The following MAP2K5 variants were observed in gnomAD, a reference collection of about 807,000 sequenced individuals.
MAP2K5 encodes mitogen-activated protein kinase kinase 5, also known as dual specificity mitogen-activated protein kinase kinase 5.
A neutral mutation model predicts 83.1 loss-of-function variants in MAP2K5; 49 were observed. The observed-to-expected ratio is 0.59, with a 90% CI of 0.47 to 0.75. The LOEUF is 0.75. Among genes scored for constraint, MAP2K5 ranks in the 30% least tolerant of loss-of-function variants. The pLI, the probability that MAP2K5 is intolerant of heterozygous loss-of-function variation, is 0.00. For synonymous variants in MAP2K5, 202 were observed against 191.8 expected, an observed-to-expected ratio of 1.05 and a Z score of -0.44; for missense variants, 457 against 557.5, an observed-to-expected ratio of 0.82 and a Z score of 1.82.
chr15:67,731,904 G>A (rs1359895173), intron 17 of MAP2K5, among the ~76,000 whole-genome samples: 2 of 152,094 alleles, frequency 1.3e-5, no homozygotes, highest in South Asian at 2.1e-4. Context: ...GAAATGCTGA[G>A]CATTGGAGGG....
At position 67,559,700 on chromosome 15, in the gene MAP2K5, CT is replaced by C. The variant is rs2140959998; in HGVS notation, c.185-3581del. ...CATAGGCTTTCTGGTTCTACTTTTG[CT>C]TCCCTAATGTGCTGGAAAATCATAT... On this transcript the variant is annotated intron_variant, in intron 2 of 21. Coordinates refer to ENST00000178640, the MANE Select transcript of MAP2K5 (RefSeq NM_145160.3). This position sits in a 1 kb window ranked among gnomAD's most constrained non-coding sequence, Gnocchi z 4.7. Among the ~76,000 whole-genome samples, 1 of 152,224 alleles carries C rather than the reference CT, an allele frequency of 6.6e-6. No individual in the cohort carries two copies. Among genetic ancestry groups the C allele is most frequent in the South Asian group, 2.1e-4 (1 of 4,816 alleles).
intron 15 of MAP2K5, among the ~76,000 whole-genome samples, chr15:67,696,697 G>T (rs1407555270): frequency 3.3e-5 from 5 of 152,204 alleles, no homozygotes; most frequent in Non-Finnish European, 7.3e-5. Flanking sequence ...AATAAGACAG[G>T]CCAGGCACAG....
intron 7 of MAP2K5, among the ~76,000 whole-genome samples, chr15:67,598,738 G>T (rs563740440): frequency 6.6e-6 from 1 of 152,256 alleles, no homozygotes; most frequent in South Asian, 2.1e-4. Flanking sequence ...TGGTGGAGGG[G>T]ATATGACTGC....
chr15:67,642,115 A>G (rs889847601), intron 9 of MAP2K5, among the ~76,000 whole-genome samples: 1 of 152,248 alleles, frequency 6.6e-6, no homozygotes, highest in East Asian at 1.9e-4. Flanking sequence ...GATTAGCTCC[A>G]CAAATACAGT....
In MAP2K5 at chr15:67,664,665, G is replaced by A; in HGVS notation, c.847+20G>A. ...ATAGAGGTATGTGCTGGGCTTATAA[G>A]CTTGGATTTAATTTGGGGTGGGGTT... On this transcript the variant is annotated intron_variant, in intron 13 of 21. Coordinates refer to ENST00000178640, the MANE Select transcript of MAP2K5 (RefSeq NM_145160.3). 1 of 1,582,332 alleles carries A rather than the reference G, an allele frequency of 6.3e-7. No individual in the cohort carries two copies. Among genetic ancestry groups the A allele is most frequent in the South Asian group, 1.1e-5 (1 of 89,390 alleles).
rs2090328047 is a variant in MAP2K5 at position 67,781,520 on chromosome 15, TC to T, written c.1242+8769del. Among the ~76,000 whole-genome samples the T allele has an allele frequency of 6.6e-6, 1 of 152,212 alleles. No homozygotes were observed. Among genetic ancestry groups the T allele is most frequent in the African/African-American group, 2.4e-5 (1 of 41,458 alleles). On this transcript the variant is annotated intron_variant, in intron 21 of 21. Transcript: ENST00000178640. The surrounding 1 kb of genome is among the most constrained non-coding windows in gnomAD (Gnocchi z 4.0). The stretch of plus-strand genomic sequence containing the variant: ...GTAGAGACATTTGGGCCTACCGTCC[TC>T]TATTTAATTTTCAAGATTAGAATTA...
At chr15:67,632,879 TA>T (rs1275735176) in intron 9 of MAP2K5, among the ~76,000 whole-genome samples, 7 of 152,212 alleles carry the variant, frequency 4.6e-5, no homozygotes, top group African/African-American at 1.7e-4. Flanking sequence ...GTACAGCACC[TA>T]GAATGTGTTA....
chr15:67,805,131 G>C (rs535467829), intron 21 of MAP2K5, among the ~76,000 whole-genome samples: 44 of 152,348 alleles, frequency 2.9e-4, no homozygotes, highest in African/African-American at 1.0e-3. Context: ...GTCCCTGCCC[G>C]GGGTTGAGTG....
chr15:67,641,099 T>C lies in MAP2K5; in HGVS notation c.586-5132T>C, dbSNP rs188887518. Among the ~76,000 whole-genome samples, 522 of 152,346 alleles carry C rather than the reference T, an allele frequency of 3.4e-3. 18 individuals are homozygous for C. Among genetic ancestry groups the C allele is most frequent in the Admixed American group, 0.032 (495 of 15,308 alleles). On this transcript the variant is annotated intron_variant, in intron 9 of 21. Transcript: ENST00000178640. ...ACAGAACCTTTTTATACCATTAATG[T>C]ATTCTATAAAATCTTTCAAGTAGTA...
At position 67,755,178 on chromosome 15, in the gene MAP2K5, C is replaced by A. The variant is rs912733103; in HGVS notation, c.1134+6577C>A. On this transcript the variant is annotated intron_variant, in intron 19 of 21. Coordinates refer to ENST00000178640, the MANE Select transcript of MAP2K5 (RefSeq NM_145160.3). This position sits in a 1 kb window ranked among gnomAD's most constrained non-coding sequence, Gnocchi z 4.7. ...GTTTTTAGTAGAGATGGGGTTTCACCATGTTGGCCAGGCTGGTCTCAAACT... is the reference window on the plus strand; with the variant it reads ...GTTTTTAGTAGAGATGGGGTTTCACAATGTTGGCCAGGCTGGTCTCAAACT... Among the ~76,000 whole-genome samples, 1 of 152,076 alleles carries A rather than the reference C, an allele frequency of 6.6e-6. No homozygotes were observed. The highest frequency in any genetic ancestry group is 2.4e-5 in the African/African-American group (1 of 41,398).
Position 67,542,918 on chromosome 15 carries a change from C to T in MAP2K5, c.-418C>T. ...TAATAGCCCCGGACTGAGTCCCCTC[C>T]AGTCGAGGACCCTCTCCTAGTCCAC... On this transcript the variant is annotated 5_prime_UTR_variant, in exon 1 of 22. Coordinates refer to ENST00000178640, the MANE Select transcript of MAP2K5 (RefSeq NM_145160.3). 1.1e-5 allele frequency: 2 copies of T among 187,944 alleles called. No homozygotes were observed. The highest frequency in any genetic ancestry group is 2.1e-4 in the South Asian group (2 of 9,408). 11.6% of individuals were successfully genotyped at this position (187,944 alleles called of 1,614,324 possible). A position where few individuals can be genotyped will look rare whatever the true frequency, so the allele number is the denominator to read the frequency against.
intron 11 of MAP2K5, among the ~76,000 whole-genome samples, chr15:67,656,936 CTT>C (rs2087097406): frequency 6.6e-6 from 1 of 152,138 alleles, no homozygotes; most frequent in Non-Finnish European, 1.5e-5. Context: ...ACTCATCAAA[CTT>C]AACAGGAACT....
rs756610437 is a variant in MAP2K5 at position 67,780,417 on chromosome 15, T to C, written c.1242+7665T>C. The stretch of plus-strand genomic sequence containing the variant: ...TGATCTTATAATTCAGTGCCTATCC[T>C]AGTCTGCTGTCATTTAGGCAAAACA... On this transcript the variant is annotated intron_variant, in intron 21 of 21. Coordinates refer to ENST00000178640, the MANE Select transcript of MAP2K5 (RefSeq NM_145160.3). The surrounding 1 kb of genome is among the most constrained non-coding windows in gnomAD (Gnocchi z 5.0). 4.6e-5 allele frequency among the ~76,000 whole-genome samples: 7 copies of C among 152,224 alleles called. No homozygotes were observed. The highest frequency in any genetic ancestry group is 1.0e-4 in the Non-Finnish European group (7 of 68,036).
chr15:67,604,740 T>C (rs549402267), intron 8 of MAP2K5, among the ~76,000 whole-genome samples: 1 of 151,764 alleles, frequency 6.6e-6, no homozygotes, highest in African/African-American at 2.4e-5. Context: ...ACTAAAAATA[T>C]AAAAATTAGC....
rs1324196497 is a variant in MAP2K5, at chr15:67,749,773, A to T, written c.1134+1172A>T. ...ACAGACCTCCTGGATCTAATAGCTC[A>T]TCAATATCCTCTATTATCTTAGATT... On this transcript the variant is annotated intron_variant, in intron 19 of 21. Transcript: ENST00000178640. The surrounding 1 kb of genome is among the most constrained non-coding windows in gnomAD (Gnocchi z 4.6). Among the ~76,000 whole-genome samples the T allele has an allele frequency of 6.6e-6, 1 of 152,196 alleles. No homozygotes were observed. The highest frequency in any genetic ancestry group is 1.9e-4 in the East Asian group (1 of 5,202).
intron 17 of MAP2K5, among the ~76,000 whole-genome samples, chr15:67,737,590 AG>A (rs1440265792): frequency 6.6e-6 from 1 of 152,168 alleles, no homozygotes; most frequent in East Asian, 1.9e-4. Flanking sequence ...AAAGGAGCAA[AG>A]AGCTGATTCG....
intron 21 of MAP2K5, among the ~76,000 whole-genome samples, chr15:67,800,955 G>T (rs549178736): frequency 2.6e-5 from 4 of 152,192 alleles, no homozygotes; most frequent in Non-Finnish European, 5.9e-5. Flanking sequence ...CCAGTATTCA[G>T]TGTAACCCTT....
chr15:67,566,096 A>T (rs2084832235), intron 3 of MAP2K5, among the ~76,000 whole-genome samples: 1 of 152,222 alleles, frequency 6.6e-6, no homozygotes, highest in Non-Finnish European at 1.5e-5. Flanking sequence ...AGGATTTCGT[A>T]TAAAGGCATA....
At chr15:67,583,254 A>G (rs1420104857) in intron 4 of MAP2K5, among the ~76,000 whole-genome samples, 1 of 152,218 alleles carries the variant, frequency 6.6e-6, no homozygotes, top group East Asian at 1.9e-4. Flanking sequence ...ATATTAAAAT[A>G]TAATTAGAGT....
Sources: allele counts gnomAD v4.1 joint callset (sites outside exome capture counted in the v4.1 genomes callset), GRCh38; gene constraint gnomAD v4.1.1; non-coding constraint Gnocchi (gnomAD v3.1); transcripts MANE v1.5; gene names NCBI Gene and HGNC (gene_info 2026-07-23, HGNC 2026-07-21).